The following MCM8 variants were observed in gnomAD, a reference collection of about 807,000 sequenced individuals.
MCM8 encodes the protein DNA helicase MCM8.
In MCM8, 85 loss-of-function variants were observed where a neutral mutation model predicts 98.9. The observed-to-expected ratio is 0.86, with a 90% CI of 0.72 to 1.03. The LOEUF (loss-of-function observed/expected upper bound fraction) is 1.03. Ranked by LOEUF, MCM8 falls within the 50% of genes least tolerant of loss-of-function variation. The pLI is 0.00. For missense variants in MCM8, 951 were observed against 997.8 expected (o/e 0.95, Z 0.63); for synonymous variants, 352 against 338.6 (o/e 1.04, Z -0.44).
At chr20:5,968,601 G>A (rs1267004973) in intron 10 of MCM8, among the ~76,000 whole-genome samples, 1 of 152,130 alleles carries the variant, frequency 6.6e-6, no homozygotes, top group African/African-American at 2.4e-5. Context: ...TTGGAACATA[G>A]CCACACTCAT....
chr20:5,986,467 G>T (rs2089737472), intron 16 of MCM8, among the ~76,000 whole-genome samples: 1 of 152,208 alleles, frequency 6.6e-6, no homozygotes, highest in Non-Finnish European at 1.5e-5. Flanking sequence ...AACATGGAAT[G>T]TGTCAGGTAT....
At chr20:5,982,671 A>C (rs1356266218) in intron 13 of MCM8, among the ~76,000 whole-genome samples, 1 of 152,222 alleles carries the variant, frequency 6.6e-6, no homozygotes, top group Non-Finnish European at 1.5e-5. Flanking sequence ...ATTTGAATTT[A>C]ACTCCTTAAG....
At chr20:5,990,202 A>G (rs1030955072) in intron 17 of MCM8, among the ~76,000 whole-genome samples, 2 of 151,844 alleles carry the variant, frequency 1.3e-5, no homozygotes, top group Non-Finnish European at 2.9e-5. Flanking sequence ...AGCCTCCTGA[A>G]TAGCTGGGAT....
rs892892367 is a variant in MCM8 at position 5,994,458 on chromosome 20, C to T, written c.*67C>T. 45 of 662,674 alleles carry T rather than the reference C, an allele frequency of 6.8e-5. No individual in the cohort carries two copies. The highest frequency in any genetic ancestry group is 6.0e-4 in the East Asian group (17 of 28,482). The allele number at this position is 662,674 out of a possible 1,614,324, so 41.0% of individuals were successfully genotyped here. ...TTAAAGCCATCTCAGTGAAGATATG[C>T]GTGCACGCACAGACAGACAGACACA... is the stretch of plus-strand genomic sequence containing the variant. On this transcript the variant is annotated 3_prime_UTR_variant, in exon 19 of 19. Coordinates refer to ENST00000610722, the MANE Select transcript of MCM8 (RefSeq NM_032485.6).
At chr20:5,953,470 T>TGTGC (rs1491435597) in intron 3 of MCM8, among the ~76,000 whole-genome samples, 1 of 139,564 alleles carries the variant, frequency 7.2e-6, no homozygotes, top group Non-Finnish European at 1.6e-5. Context: ...TGTGTGTGTG[T>TGTGC]GCATACTTTT....
intron 15 of MCM8, among the ~76,000 whole-genome samples, chr20:5,985,430 C>T (rs1275292317): frequency 4.3e-5 from 5 of 115,970 alleles, no homozygotes; most frequent in South Asian, 2.9e-4. Flanking sequence ...AGTGACAGAG[C>T]GAGACTGTCT....
chr20:5,982,242 T>A (rs903092587), intron 13 of MCM8, among the ~76,000 whole-genome samples: 9 of 152,182 alleles, frequency 5.9e-5, no homozygotes, highest in African/African-American at 1.7e-4. Flanking sequence ...TCAAAAAGAC[T>A]AATCAGCAGT....
intron 12 of MCM8, among the ~76,000 whole-genome samples, chr20:5,976,290 G>A (rs1430528995): frequency 6.6e-6 from 1 of 152,144 alleles, no homozygotes; most frequent in Non-Finnish European, 1.5e-5. Context: ...CAGTCATGGT[G>A]GCATGCTCCT....
intron 6 of MCM8, among the ~76,000 whole-genome samples, chr20:5,957,697 A>G (rs991589297): frequency 6.6e-6 from 1 of 152,258 alleles, no homozygotes. Flanking sequence ...AAATTCCAAA[A>G]TACTTCTGGT....
At chr20:5,981,131 C>G (rs1373354009) in intron 13 of MCM8, among the ~76,000 whole-genome samples, 1 of 152,196 alleles carries the variant, frequency 6.6e-6, no homozygotes, top group Non-Finnish European at 1.5e-5. Context: ...CTTACCAGCT[C>G]CTGCTTTATA....
chr20:5,955,274 C>A (rs1568568607), intron 5 of MCM8, 23 bp downstream of exon 5: 4 of 1,600,764 alleles, frequency 2.5e-6, no homozygotes, highest in Non-Finnish European at 3.4e-6. Flanking sequence ...CTTATGCATA[C>A]TTTTGTCTAA....
At position 5,967,909 on chromosome 20, in the gene MCM8, A is replaced by G. The variant is rs945938531; in HGVS notation, c.1107A>G (p.Lys369=). ...ANSISNSKGQ[K]TKSSEDGCKH... Reference sequence around the variant, plus strand: ...CTATTAGTAATAGCAAAGGACAGAAAACAAAGAGTTCTGAGGATGGGTGTA... The same window carrying G: ...CTATTAGTAATAGCAAAGGACAGAAGACAAAGAGTTCTGAGGATGGGTGTA... Residue 369 remains lysine, a synonymous_variant, in exon 10 of 19, where the codon AAA becomes AAG. Coordinates refer to ENST00000610722, the MANE Select transcript of MCM8 (RefSeq NM_032485.6). 6.2e-7 allele frequency: 1 copy of G among 1,613,964 alleles called. No individual in the cohort carries two copies. The highest frequency in any genetic ancestry group is 8.5e-7 in the Non-Finnish European group (1 of 1,179,934).
chr20:5,982,937 TG>T, intron 13 of MCM8, 32 bp from the exon 14 acceptor site: 1 of 1,558,824 alleles, frequency 6.4e-7, no homozygotes, highest in Non-Finnish European at 8.7e-7. Flanking sequence ...AAAGAAAAAA[TG>T]TTTTTTCTGC....
chr20:5,978,122 C>A, intron 13 of MCM8, 105 bp downstream of exon 13: 1 of 1,326,656 alleles, frequency 7.5e-7, no homozygotes, highest in Non-Finnish European at 1.0e-6. Flanking sequence ...ATTTAGATAG[C>A]AAAGTCCTAA....
rs762386499 is a variant in MCM8 at position 5,952,443 on chromosome 20, G to A, written c.168G>A (p.Leu56=). The A allele has an allele frequency of 1.2e-6, 2 of 1,613,628 alleles. No individual in the cohort carries two copies. Among genetic ancestry groups the A allele is most frequent in the Admixed American group, 3.3e-5 (2 of 59,952 alleles). ...TTTCAGAACAAACCCCACAGTTTTT[G>A]CTTTCAACAAAGACCCCACAGTCAA... ...KRTSEQTPQF[L]LSTKTPQSMQ... Residue 56 remains leucine, a synonymous_variant, in exon 3 of 19, where the codon TTG becomes TTA. Coordinates refer to ENST00000610722, the MANE Select transcript of MCM8 (RefSeq NM_032485.6).
chr20:5,981,317 C>T (rs1259480896), intron 13 of MCM8, among the ~76,000 whole-genome samples: 1 of 152,136 alleles, frequency 6.6e-6, no homozygotes, highest in Non-Finnish European at 1.5e-5. Context: ...GTGAGTCTAC[C>T]ACTGCTAGGA....
chr20:5,979,360 C>T (rs1033134226), intron 13 of MCM8, among the ~76,000 whole-genome samples: 3 of 152,166 alleles, frequency 2.0e-5, no homozygotes, highest in Non-Finnish European at 4.4e-5. Context: ...TGTATCGTTT[C>T]ATTGGCTTTA....
intron 8 of MCM8, chr20:5,965,632 A>AG (rs1423835634): frequency 6.6e-6 from 1 of 152,250 alleles, no homozygotes; most frequent in Non-Finnish European, 1.5e-5. Context: ...TTAAATGAAA[A>AG]TGACTCAAGC....
intron 5 of MCM8, among the ~76,000 whole-genome samples, chr20:5,955,701 C>T (rs1303467593): frequency 6.6e-6 from 1 of 152,088 alleles, no homozygotes; most frequent in African/African-American, 2.4e-5. Flanking sequence ...TTGTACTGTG[C>T]TTGCCTGAGT....
Sources: gnomAD v4.1 joint callset for allele counts (sites outside exome capture counted in the v4.1 genomes callset) on GRCh38, gnomAD v4.1.1 for gene constraint, MANE v1.5 for transcripts, NCBI Gene and HGNC (gene_info 2026-07-23, HGNC 2026-07-21) for gene names.